The following RNF122 variants were observed in gnomAD, a reference collection of about 807,000 sequenced individuals.
The protein encoded by RNF122 is ring finger protein 122.
Under a neutral mutation model 24.2 loss-of-function variants are expected in RNF122, and 17 were observed. That is an observed-to-expected ratio of 0.70 (90% CI 0.48 to 1.06). The LOEUF (loss-of-function observed/expected upper bound fraction) is 1.06. Ranked by LOEUF, RNF122 falls within the 50% of genes least tolerant of loss-of-function variation. The pLI is 0.00. For missense variants in RNF122, 168 were observed against 198.1 expected (o/e 0.85, Z 0.91); for synonymous variants, 65 against 71.8 (o/e 0.91, Z 0.48).
Position 33,548,702 on chromosome 8 carries a change from G to T in RNF122, c.*51C>A. 2 of 1,135,746 alleles carry T rather than the reference G, an allele frequency of 1.8e-6. No individual in the cohort carries two copies. The highest frequency in any genetic ancestry group is 2.4e-5 in the East Asian group (1 of 42,520). The allele number at this position is 1,135,746 out of a possible 1,614,324, so 70.4% of individuals were successfully genotyped here. A position where few individuals can be genotyped will look rare whatever the true frequency, so the allele number is the denominator to read the frequency against. On this transcript the variant is annotated 3_prime_UTR_variant, in exon 6 of 6. Coordinates refer to ENST00000256257, the MANE Select transcript of RNF122 (RefSeq NM_024787.3). ...TGGTTGGAGCTGTGCAGAGGGACCA[G>T]ACATCCATGAGGCAAGAGGTCTTCT... is the stretch of plus-strand genomic sequence containing the variant.
In RNF122 at chr8:33,566,966, G is replaced by A; in HGVS notation, c.-243C>T. The A allele has an allele frequency of 1.9e-6, 1 of 535,314 alleles. No homozygotes were observed. Among genetic ancestry groups the A allele is most frequent in the South Asian group, 2.1e-5 (1 of 48,778 alleles). The allele number at this position is 535,314 out of a possible 1,614,324, so 33.2% of individuals were successfully genotyped here. ...CCCGCGGAGCACAGCCGCACGGAGC[G>A]CACGCGCCAAGGGCCCCGGGCTGGG... On this transcript the variant is annotated 5_prime_UTR_variant, in exon 1 of 6. Transcript: ENST00000256257.
intron 1 of RNF122, among the ~76,000 whole-genome samples, chr8:33,566,484 G>C (rs538517620): frequency 1.3e-5 from 2 of 152,268 alleles, no homozygotes; most frequent in East Asian, 3.9e-4. Context: ...CCGCCAGTCC[G>C]GAGGCCCCTT....
intron 3 of RNF122, 98 bp downstream of exon 3, chr8:33,551,246 G>A: frequency 5.9e-6 from 9 of 1,519,238 alleles, no homozygotes; most frequent in Non-Finnish European, 8.2e-6. Flanking sequence ...GTGAGGCCAG[G>A]GGGATTCCTG....
chr8:33,555,563 C>T (rs1585358681), intron 2 of RNF122, among the ~76,000 whole-genome samples: 1 of 152,360 alleles, frequency 6.6e-6, no homozygotes, highest in South Asian at 2.1e-4. Context: ...GCTCTCAAAC[C>T]TGTCCTTCTG....
chr8:33,559,802 C>T (rs1196332077), intron 1 of RNF122, among the ~76,000 whole-genome samples: 7 of 150,728 alleles, frequency 4.6e-5, no homozygotes, highest in Non-Finnish European at 8.8e-5. Context: ...CATATACTCT[C>T]GGGTCCATCC....
chr8:33,549,576 C>T (rs775317887), intron 4 of RNF122, 84 bp from the exon 5 acceptor site: 18 of 1,029,328 alleles, frequency 1.7e-5, no homozygotes, highest in Middle Eastern at 2.0e-4. Context: ...TAAGCTCTAG[C>T]CTAGTCTGTT....
Position 33,548,778 on chromosome 8 carries a change from C to T in RNF122, c.443G>A (p.Gly148Glu). 1 of 1,613,498 alleles carries T rather than the reference C, an allele frequency of 6.2e-7. No individual in the cohort carries two copies. Among genetic ancestry groups the T allele is most frequent in the Non-Finnish European group, 8.5e-7 (1 of 1,179,556 alleles). Residue 148 changes from glycine to glutamate, a missense_variant, in exon 6 of 6, where the codon GGG becomes GAG. Coordinates refer to ENST00000256257, the MANE Select transcript of RNF122 (RefSeq NM_024787.3). ...ASPSEATQNI[G>E]ILLDELV is the part of the protein sequence containing the mutation. ...TCACACCAGCTCATCCAATAGAATC[C>T]CAATGTTCTGCGTGGCCTCTGAGGG...
At position 33,548,557 on chromosome 8, in the gene RNF122, C is replaced by G. The variant is rs991389797; in HGVS notation, c.*196G>C. The G allele has an allele frequency of 2.7e-5, 14 of 518,730 alleles. No homozygotes were observed. Among genetic ancestry groups the G allele is most frequent in the African/African-American group, 2.7e-4 (14 of 52,490 alleles). The allele number at this position is 518,730 out of a possible 1,614,324, so 32.1% of individuals were successfully genotyped here. A position where few individuals can be genotyped will look rare whatever the true frequency, so the allele number is the denominator to read the frequency against. On this transcript the variant is annotated 3_prime_UTR_variant, in exon 6 of 6. Transcript: ENST00000256257. ...CAGCATGGAGTAGCAGGGAAGAAGG[C>G]TTCAGGAGGCAGGAAGTGGGGGCAC...
intron 5 of RNF122, 99 bp downstream of exon 5, chr8:33,549,311 A>T (rs1397919658): frequency 3.1e-6 from 3 of 964,906 alleles, no homozygotes; most frequent in Non-Finnish European, 5.1e-6. Context: ...GGCATCACGG[A>T]TAAGGGGCAA....
chr8:33,558,567 C>T (rs2128839880), intron 2 of RNF122, 48 bp downstream of exon 2: 1 of 1,519,174 alleles, frequency 6.6e-7, no homozygotes, highest in Non-Finnish European at 8.9e-7. Context: ...ACCCTGGTCT[C>T]CTCCCTCCTG....
chr8:33,549,251 G>GT (rs1405808963), intron 5 of RNF122, among the ~76,000 whole-genome samples, 159 bp downstream of exon 5: 3 of 149,346 alleles, frequency 2.0e-5, no homozygotes, highest in African/African-American at 7.6e-5. Context: ...CCCTACCCCT[G>GT]TCCCAACCTA....
At chr8:33,560,036 T>G (rs999526486) in intron 1 of RNF122, among the ~76,000 whole-genome samples, 4 of 151,978 alleles carry the variant, frequency 2.6e-5, no homozygotes, top group African/African-American at 9.7e-5. Flanking sequence ...GAGATGGGGT[T>G]TCACCATGTT....
At position 33,547,841 on chromosome 8, in the gene RNF122, A is replaced by G. The variant is rs1035741649; in HGVS notation, c.*912T>C. On this transcript the variant is annotated 3_prime_UTR_variant, in exon 6 of 6. Transcript: ENST00000256257. ...CACCCACTCCAGGGAGGAACAGAAA[A>G]TCCCCACCCCCTTCCATTCTGGAGA... The G allele has an allele frequency of 1.3e-4, 19 of 151,818 alleles. No individual in the cohort carries two copies. The highest frequency in any genetic ancestry group is 4.1e-4 in the African/African-American group (17 of 41,298). 9.4% of individuals were successfully genotyped at this position (151,818 alleles called of 1,614,324 possible).
chr8:33,551,168 C>T, intron 3 of RNF122, 83 bp from the exon 4 acceptor site: 1 of 1,537,788 alleles, frequency 6.5e-7, no homozygotes, highest in Non-Finnish European at 9.0e-7. Flanking sequence ...TGAAGGGAGT[C>T]CCCTGGACTG....
chr8:33,558,869 G>T, intron 1 of RNF122, 98 bp from the exon 2 acceptor site: 1 of 926,884 alleles, frequency 1.1e-6, no homozygotes, highest in Non-Finnish European at 1.5e-6. Context: ...CAGGCTCTGG[G>T]CACCTAAGCC....
chr8:33,565,270 G>A (rs1335042709), intron 1 of RNF122, among the ~76,000 whole-genome samples: 16 of 152,176 alleles, frequency 1.1e-4, no homozygotes, highest in Admixed American at 2.6e-4. Context: ...GCAAAAGGAG[G>A]AAGGCGGGGT....
intron 2 of RNF122, among the ~76,000 whole-genome samples, chr8:33,556,971 G>A (rs574951665): frequency 1.6e-3 from 250 of 152,310 alleles, no homozygotes; most frequent in South Asian, 1.9e-3. Flanking sequence ...TGCCTCTCTT[G>A]TAGCTGCCTT....
chr8:33,560,475 TGAGATCCTCCTGCCTCAGC>T (rs1172335466), intron 1 of RNF122, among the ~76,000 whole-genome samples: 4 of 151,652 alleles, frequency 2.6e-5, no homozygotes, highest in African/African-American at 9.7e-5. Context: ...CTGGCCTCAA[TGAGATCCTCCTGCCTCAGC>T]CCCACAAAGG....
chr8:33,553,045 T>C (rs1387883182), intron 2 of RNF122, among the ~76,000 whole-genome samples: 1 of 130,264 alleles, frequency 7.7e-6, no homozygotes, highest in Non-Finnish European at 1.6e-5. Context: ...CACTCCAGCC[T>C]GGGTGACAGA....
Sources: gnomAD v4.1 joint callset for allele counts (sites outside exome capture counted in the v4.1 genomes callset) on GRCh38, gnomAD v4.1.1 for gene constraint, MANE v1.5 for transcripts, NCBI Gene and HGNC (gene_info 2026-07-23, HGNC 2026-07-21) for gene names.